ADGRL2: variants seen among roughly 807,000 people sequenced by gnomAD.
The protein encoded by ADGRL2 is calcium-independent alpha-latrotoxin receptor 2.
A neutral mutation model predicts 157.4 loss-of-function variants in ADGRL2; 44 were observed. The ratio of observed to expected loss-of-function variants is 0.28; its 90% CI spans 0.22 to 0.36. ADGRL2 has a LOEUF of 0.36. Among genes scored for constraint, ADGRL2 ranks in the 10% least tolerant of loss-of-function variants. The pLI, the probability that ADGRL2 is intolerant of heterozygous loss-of-function variation, is 1.00. For missense variants in ADGRL2, 1,510 were observed against 1,768.9 expected, an observed-to-expected ratio of 0.85 and a Z score of 2.63; for synonymous variants, 585 against 624.7, an observed-to-expected ratio of 0.94 and a Z score of 0.95.
chr1:81,931,592 G>A (rs1050964168), intron 3 of ADGRL2, among the ~76,000 whole-genome samples: 2 of 152,160 alleles, frequency 1.3e-5, no homozygotes, highest in Admixed American at 1.3e-4. Context: ...TAGAATTTGG[G>A]ACTGAGTGCT....
intron 1 of ADGRL2, among the ~76,000 whole-genome samples, chr1:81,819,628 A>G (rs1318976676): frequency 6.6e-6 from 1 of 152,102 alleles, no homozygotes; most frequent in Non-Finnish European, 1.5e-5. Flanking sequence ...TGCGATATTC[A>G]GGCTACATGA....
intron 2 of ADGRL2, among the ~76,000 whole-genome samples, chr1:81,783,718 C>A (rs1209012674): frequency 3.9e-5 from 6 of 152,178 alleles, no homozygotes; most frequent in African/African-American, 1.2e-4. Flanking sequence ...TTACAAAATT[C>A]TTTGCTATAA....
chr1:81,809,807 T>G (rs566109728), intron 1 of ADGRL2, among the ~76,000 whole-genome samples: 1 of 152,050 alleles, frequency 6.6e-6, no homozygotes, highest in African/African-American at 2.4e-5. Flanking sequence ...ATGTAAAATA[T>G]GTATGATTAA....
chr1:81,538,012 T>C (rs984485287), intron 2 of ADGRL2, among the ~76,000 whole-genome samples: 41 of 152,286 alleles, frequency 2.7e-4, no homozygotes, highest in African/African-American at 9.6e-4. Flanking sequence ...GTCTCCTTGA[T>C]TACAGGAAAA....
chr1:81,454,324 T>C (rs932433220), intron 2 of ADGRL2, among the ~76,000 whole-genome samples: 2 of 152,202 alleles, frequency 1.3e-5, no homozygotes, highest in African/African-American at 4.8e-5. Flanking sequence ...TGGCATGAAA[T>C]ACTTTGTTAT....
intron 1 of ADGRL2, chr1:81,427,692 T>C: frequency 2.2e-6 from 1 of 457,264 alleles, no homozygotes; most frequent in South Asian, 2.8e-5. Flanking sequence ...TTTGAGACAG[T>C]CATCCCAAAT....
At chr1:81,411,446 G>C (rs1457103193) in intron 1 of ADGRL2, among the ~76,000 whole-genome samples, 1 of 152,090 alleles carries the variant, frequency 6.6e-6, no homozygotes. Context: ...TATTGGTGTC[G>C]TTAGCATCTG....
At chr1:81,637,467 CAACTG>C (rs1314074421) in intron 3 of ADGRL2, among the ~76,000 whole-genome samples, 1 of 152,080 alleles carries the variant, frequency 6.6e-6, no homozygotes, top group Non-Finnish European at 1.5e-5. Flanking sequence ...AGCTGAAAAA[CAACTG>C]AAATGTTCAG....
chr1:81,923,436 A>G (rs578081222), intron 3 of ADGRL2, among the ~76,000 whole-genome samples: 4 of 152,112 alleles, frequency 2.6e-5, no homozygotes, highest in Non-Finnish European at 5.9e-5. Context: ...AGTCTGCTGA[A>G]TTTGGTTATT....
chr1:81,813,238 A>G (rs2090054276), intron 1 of ADGRL2, among the ~76,000 whole-genome samples: 1 of 151,728 alleles, frequency 6.6e-6, no homozygotes, highest in Admixed American at 6.6e-5. Context: ...AAAAAATAGA[A>G]AGGTTATTAT....
At chr1:81,666,678 G>A (rs2082757777) in intron 3 of ADGRL2, among the ~76,000 whole-genome samples, 1 of 152,116 alleles carries the variant, frequency 6.6e-6, no homozygotes, top group South Asian at 2.1e-4. Context: ...CCAGGTTAGA[G>A]TTGAAATAGT....
intron 2 of ADGRL2, among the ~76,000 whole-genome samples, chr1:81,870,172 AT>A (rs2093655386): frequency 6.6e-6 from 1 of 150,716 alleles, no homozygotes; most frequent in African/African-American, 2.4e-5. Flanking sequence ...TTTTATTATA[AT>A]TTTTTGATAA....
intron 2 of ADGRL2, among the ~76,000 whole-genome samples, chr1:81,480,726 A>C (rs1285693708): frequency 6.6e-6 from 1 of 152,226 alleles, no homozygotes; most frequent in Non-Finnish European, 1.5e-5. Flanking sequence ...TATCCTAACA[A>C]TGAGTTATCT....
At chr1:81,709,197 A>G (rs544621001) in intron 1 of ADGRL2, among the ~76,000 whole-genome samples, 2 of 152,316 alleles carry the variant, frequency 1.3e-5, no homozygotes, top group Admixed American at 1.3e-4. Context: ...GTATAAAAGT[A>G]ATTGTGGTAT....
intron 1 of ADGRL2, among the ~76,000 whole-genome samples, chr1:81,313,025 A>G (rs899681437): frequency 3.3e-5 from 5 of 152,214 alleles, no homozygotes; most frequent in Non-Finnish European, 2.9e-5. Context: ...TTTATAGTAA[A>G]GAAATAAAAT....
chr1:81,625,488 C>T (rs1381321815), intron 3 of ADGRL2, among the ~76,000 whole-genome samples: 1 of 152,024 alleles, frequency 6.6e-6, no homozygotes, highest in African/African-American at 2.4e-5. Flanking sequence ...GTGTTAGATA[C>T]TCTATCATTT....
At chr1:81,682,338 G>A in intron 3 of ADGRL2, among the ~76,000 whole-genome samples, 1 of 152,124 alleles carries the variant, frequency 6.6e-6, no homozygotes, top group Admixed American at 6.5e-5. Context: ...ATATTGTTAA[G>A]AATCAGAGAG....
intron 1 of ADGRL2, among the ~76,000 whole-genome samples, chr1:81,420,242 A>G (rs373292397): frequency 4.9e-4 from 75 of 152,292 alleles, no homozygotes; most frequent in Middle Eastern, 6.8e-3. Context: ...TCTCATCAGC[A>G]TATTGGATAC....
At chr1:81,363,491 G>A (rs1347464206) in intron 1 of ADGRL2, among the ~76,000 whole-genome samples, 2 of 152,024 alleles carry the variant, frequency 1.3e-5, no homozygotes, top group Non-Finnish European at 2.9e-5. Flanking sequence ...ACTATCCACT[G>A]GGTAGAATTA....
Sources: allele counts gnomAD v4.1 joint callset (sites outside exome capture counted in the v4.1 genomes callset), GRCh38; gene constraint gnomAD v4.1.1; transcripts MANE v1.5; gene names NCBI Gene and HGNC (gene_info 2026-07-23, HGNC 2026-07-21).